The following BAALC variants were observed in gnomAD, a reference collection of about 807,000 sequenced individuals.
The protein encoded by BAALC is brain and acute leukemia cytoplasmic protein.
Under a neutral mutation model 15.5 loss-of-function variants are expected in BAALC, and 9 were observed. The observed-to-expected ratio is 0.58, with a 90% CI of 0.35 to 1.02. The LOEUF is 1.02. BAALC is among the 50% of genes least tolerant of loss of function. The pLI is 0.02. For missense variants in BAALC, 201 were observed against 192.4 expected (o/e 1.04, Z -0.27); for synonymous variants, 80 against 74.6 (o/e 1.07, Z -0.37).
At chr8:103,185,692 A>C (rs1047466581) in intron 1 of BAALC, among the ~76,000 whole-genome samples, 1 of 152,182 alleles carries the variant, frequency 6.6e-6, no homozygotes, top group Non-Finnish European at 1.5e-5. Flanking sequence ...TGGGATTGTA[A>C]ACTGGATTCT....
intron 1 of BAALC, among the ~76,000 whole-genome samples, chr8:103,207,538 G>C (rs1164945704): frequency 1.3e-5 from 2 of 152,236 alleles, no homozygotes; most frequent in African/African-American, 4.8e-5. Flanking sequence ...ATAAGGGTCT[G>C]AAGTTGTCTT....
At chr8:103,211,015 T>C (rs945640795) in intron 1 of BAALC, among the ~76,000 whole-genome samples, 3 of 152,082 alleles carry the variant, frequency 2.0e-5, no homozygotes, top group Admixed American at 6.5e-5. Flanking sequence ...TCTGTCTCAC[T>C]CTTGATTTTT....
At chr8:103,150,096 C>T (rs1489277986) in intron 1 of BAALC, among the ~76,000 whole-genome samples, 1 of 152,204 alleles carries the variant, frequency 6.6e-6, no homozygotes, top group Non-Finnish European at 1.5e-5. Context: ...AGGCACATCT[C>T]ACATGGCAGC....
chr8:103,155,106 C>G (rs1811063238), intron 1 of BAALC, among the ~76,000 whole-genome samples: 1 of 152,000 alleles, frequency 6.6e-6, no homozygotes, highest in Non-Finnish European at 1.5e-5. Context: ...ATGAATACTT[C>G]AGTATGAATC....
intron 1 of BAALC, among the ~76,000 whole-genome samples, chr8:103,188,307 G>A (rs564099456): frequency 6.6e-6 from 1 of 152,080 alleles, no homozygotes; most frequent in Admixed American, 6.5e-5. Flanking sequence ...TTACTAACTC[G>A]GGCCATGCGA....
intron 1 of BAALC, among the ~76,000 whole-genome samples, chr8:103,144,168 A>G (rs1810836796): frequency 6.6e-6 from 1 of 152,214 alleles, no homozygotes; most frequent in African/African-American, 2.4e-5. Flanking sequence ...ACAGGTGTTC[A>G]GCAAATATTT....
intron 1 of BAALC, chr8:103,198,001 T>C: frequency 1.7e-6 from 1 of 587,400 alleles, no homozygotes; most frequent in Non-Finnish European, 3.0e-6. Flanking sequence ...AAGAATCCTC[T>C]GCTCTGTGAG....
At chr8:103,185,094 C>T (rs1199466756) in intron 1 of BAALC, among the ~76,000 whole-genome samples, 6 of 152,020 alleles carry the variant, frequency 3.9e-5, no homozygotes, top group Admixed American at 6.6e-5. Flanking sequence ...TGATTCTGTA[C>T]GTACCAGGCA....
intron 1 of BAALC, among the ~76,000 whole-genome samples, chr8:103,143,083 A>G (rs774437143): frequency 2.2e-4 from 33 of 152,146 alleles, no homozygotes; most frequent in Non-Finnish European, 3.2e-4. Context: ...GACCAAGATT[A>G]AATCAAGGCC....
At chr8:103,155,471 A>G (rs1451303130) in intron 1 of BAALC, among the ~76,000 whole-genome samples, 1 of 152,196 alleles carries the variant, frequency 6.6e-6, no homozygotes, top group Non-Finnish European at 1.5e-5. Context: ...TCAGCAATTG[A>G]GAAGACTGGG....
intron 1 of BAALC, 58 bp from the exon 2 acceptor site, chr8:103,212,861 G>A: frequency 6.6e-7 from 1 of 1,517,806 alleles, no homozygotes; most frequent in Non-Finnish European, 8.9e-7. Flanking sequence ...TTTTGGGATT[G>A]TTTGCAACAT....
chr8:103,188,025 TAATA>T (rs1811882986), intron 1 of BAALC, among the ~76,000 whole-genome samples: 1 of 152,196 alleles, frequency 6.6e-6, no homozygotes, highest in Non-Finnish European at 1.5e-5. Flanking sequence ...GTTAATTTGT[TAATA>T]AATTAGCAAA....
chr8:103,161,675 T>C (rs969547119), intron 1 of BAALC, among the ~76,000 whole-genome samples: 25 of 152,208 alleles, frequency 1.6e-4, no homozygotes, highest in South Asian at 6.2e-4. Context: ...TGAATGCAAA[T>C]GTAATTTTGC....
At chr8:103,178,810 C>T (rs556312015) in intron 1 of BAALC, among the ~76,000 whole-genome samples, 11 of 150,858 alleles carry the variant, frequency 7.3e-5, no homozygotes, top group African/African-American at 2.2e-4. Context: ...TTGCAGTGAG[C>T]CAAGATTGCA....
At chr8:103,167,395 T>C (rs192309400) in intron 1 of BAALC, among the ~76,000 whole-genome samples, 21 of 152,278 alleles carry the variant, frequency 1.4e-4, no homozygotes, top group Admixed American at 1.3e-3. Context: ...GCCTTATGAC[T>C]ATGGATCACT....
chr8:103,198,289 G>T, intron 1 of BAALC: 2 of 536,698 alleles, frequency 3.7e-6, no homozygotes, highest in Non-Finnish European at 6.6e-6. Context: ...GATTAAATGT[G>T]ATATAATAAC....
intron 1 of BAALC, among the ~76,000 whole-genome samples, chr8:103,196,189 G>A (rs1194743261): frequency 6.6e-6 from 1 of 152,230 alleles, no homozygotes; most frequent in Non-Finnish European, 1.5e-5. Context: ...GCCTTGCAGG[G>A]CACATAGGGA....
chr8:103,179,894 G>A lies in BAALC; in HGVS notation c.161-33025G>A, dbSNP rs188304903. Among the ~76,000 whole-genome samples, 624 of 152,328 alleles carry A rather than the reference G, an allele frequency of 4.1e-3. 5 individuals are homozygous for A. Among genetic ancestry groups the A allele is most frequent in the African/African-American group, 0.014 (588 of 41,566 alleles). The stretch of plus-strand genomic sequence containing the variant: ...TTAGAGTCTCAGGGATAAGCCCTAA[G>A]GGAGTCTGATGAGGACCAGAGTTCC... On this transcript the variant is annotated intron_variant, in intron 1 of 2. Transcript: ENST00000309982.
chr8:103,213,316 T>A, intron 2 of BAALC: 1 of 461,426 alleles, frequency 2.2e-6, no homozygotes, highest in Non-Finnish European at 3.9e-6. Flanking sequence ...AGTACAGCTT[T>A]ATTCAAGGAT....
Sources: allele counts gnomAD v4.1 joint callset (sites outside exome capture counted in the v4.1 genomes callset), GRCh38; gene constraint gnomAD v4.1.1; transcripts MANE v1.5; gene names NCBI Gene and HGNC (gene_info 2026-07-23, HGNC 2026-07-21).